Variants in SREBF2 observed in about 807,000 individuals in gnomAD.
The protein encoded by SREBF2 is sterol regulatory element-binding protein 2.
A neutral mutation model predicts 113.1 loss-of-function variants in SREBF2; 55 were observed. The ratio of observed to expected loss-of-function variants is 0.49; its 90% CI spans 0.39 to 0.61. The LOEUF (loss-of-function observed/expected upper bound fraction) is 0.61. Among genes scored for constraint, SREBF2 ranks in the 20% least tolerant of loss-of-function variants. The pLI is 0.00. For missense variants in SREBF2, 1,349 were observed against 1,487.4 expected (o/e 0.91, Z 1.53); for synonymous variants, 593 against 605.7 (o/e 0.98, Z 0.31).
chr22:41,904,999 C>A, intron 18 of SREBF2, 25 bp downstream of exon 18: 1 of 1,547,832 alleles, frequency 6.5e-7, no homozygotes, highest in Non-Finnish European at 8.7e-7. Context: ...CCCCAGCTCA[C>A]AGGCTGGGCC....
chr22:41,873,141 G>A (rs2148386296), intron 4 of SREBF2, among the ~76,000 whole-genome samples: 2 of 151,272 alleles, frequency 1.3e-5, no homozygotes, highest in African/African-American at 4.9e-5. Context: ...AGTTTGTGGT[G>A]AGCCGAGATC....
chr22:41,871,003 A>G lies in SREBF2; in HGVS notation c.835A>G (p.Thr279Ala), dbSNP rs753273462. The change falls in exon 4 of 19, where the codon ACC becomes GCC. Residue 279 changes from threonine to alanine, a missense_variant. Thr to Ala is a moderately conservative substitution (Grantham distance 58). This residue lies in a region of SREBF2 where 699 missense variants were observed against 843.3 expected (regional missense o/e 0.83). Transcript: ENST00000361204. ...GAACCCGGCCCTCACCGCCCTCACC[A>G]CCCCTATCCAGACGGCTGCCCTTCA... Reference protein sequence around the residue: ...VQNPALTALTTPIQTAALQVP... With the variant: ...VQNPALTALTAPIQTAALQVP... 6.2e-7 allele frequency: 1 copy of G among 1,613,044 alleles called. No individual in the cohort carries two copies. The highest frequency in any genetic ancestry group is 1.1e-5 in the South Asian group (1 of 91,010).
At chr22:41,891,526 C>T (rs1036830844) in intron 11 of SREBF2, 7 of 152,364 alleles carry the variant, frequency 4.6e-5, no homozygotes, top group Admixed American at 3.3e-4. Flanking sequence ...AGATAGTCTT[C>T]TCTGTCTGTG....
chr22:41,870,030 A>AT (rs1223984866), intron 3 of SREBF2, among the ~76,000 whole-genome samples: 1 of 151,634 alleles, frequency 6.6e-6, no homozygotes, highest in Non-Finnish European at 1.5e-5. Flanking sequence ...TAATTTTTGT[A>AT]TTTTTAGTAG....
intron 1 of SREBF2, among the ~76,000 whole-genome samples, chr22:41,855,252 G>A (rs1258581245): frequency 1.3e-5 from 2 of 152,190 alleles, no homozygotes; most frequent in African/African-American, 4.8e-5. Context: ...GCCAGATTCC[G>A]TGGTTCATGC....
At chr22:41,874,588 A>G (rs2077175751) in intron 5 of SREBF2, among the ~76,000 whole-genome samples, 1 of 152,254 alleles carries the variant, frequency 6.6e-6, no homozygotes, top group African/African-American at 2.4e-5. Context: ...AAAGCTGTAC[A>G]TCCTAAGTAA....
intron 1 of SREBF2, among the ~76,000 whole-genome samples, chr22:41,866,443 A>G (rs133286): frequency 0.61 from 92,402 of 152,206 alleles, 29,774 homozygotes; most frequent in African/African-American, 0.81. Context: ...CCAGCTACTC[A>G]GGAGGCTGAG....
chr22:41,895,736 GGTGCACCCATTTTTAT>G (rs1012600282), intron 13 of SREBF2, among the ~76,000 whole-genome samples: 3 of 152,068 alleles, frequency 2.0e-5, no homozygotes, highest in African/African-American at 7.2e-5. Context: ...ACGCCTGGCA[GGTGCACCCATTTTTAT>G]GTATCCCTTT....
chr22:41,873,556 C>T (rs1033748840), intron 4 of SREBF2: 1 of 543,230 alleles, frequency 1.8e-6, no homozygotes, highest in African/African-American at 1.9e-5. Flanking sequence ...ACATATTTAG[C>T]CATGTTAATC....
chr22:41,899,204 T>C, intron 15 of SREBF2: 1 of 1,109,600 alleles, frequency 9.0e-7, no homozygotes, highest in South Asian at 2.3e-5. Context: ...ATCTTGCCCC[T>C]GTGTGCTAGC....
chr22:41,873,193 G>A (rs575260598), intron 4 of SREBF2, among the ~76,000 whole-genome samples: 33 of 151,792 alleles, frequency 2.2e-4, no homozygotes, highest in African/African-American at 7.3e-4. Flanking sequence ...GCGAAACTCC[G>A]TCTCAAAAAA....
chr22:41,854,595 G>T (rs971064676), intron 1 of SREBF2, among the ~76,000 whole-genome samples: 1 of 151,946 alleles, frequency 6.6e-6, no homozygotes, highest in African/African-American at 2.4e-5. Context: ...GAATCCGGGG[G>T]TGGTGGCTCA....
chr22:41,836,883 A>G (rs1272081373), intron 1 of SREBF2, among the ~76,000 whole-genome samples: 1 of 152,162 alleles, frequency 6.6e-6, no homozygotes, highest in Non-Finnish European at 1.5e-5. Flanking sequence ...AGGTGCAGGC[A>G]GGCAAGGATC....
intron 1 of SREBF2, among the ~76,000 whole-genome samples, chr22:41,864,239 TATATATATATATATATATATATACAC>T (rs1569385883): frequency 1.2e-5 from 1 of 85,742 alleles, no homozygotes; most frequent in Admixed American, 1.6e-4. Context: ...TATATATATA[TATATATATATATATATATATATACAC>T]ACACACACAC....
At chr22:41,837,871 AAAAAG>A (rs1025255351) in intron 1 of SREBF2, among the ~76,000 whole-genome samples, 19 of 151,894 alleles carry the variant, frequency 1.3e-4, no homozygotes, top group South Asian at 6.2e-4. Context: ...AAAAAAAAAA[AAAAAG>A]AAAGAAAGAA....
At chr22:41,843,831 G>A (rs1179798057) in intron 1 of SREBF2, among the ~76,000 whole-genome samples, 1 of 150,904 alleles carries the variant, frequency 6.6e-6, no homozygotes, top group Non-Finnish European at 1.5e-5. Context: ...AACATAGTGA[G>A]ACCCCATTTC....
In SREBF2 at chr22:41,881,174, A is replaced by G. The variant is rs538209075; in HGVS notation, c.2038+182A>G. Among the ~76,000 whole-genome samples the G allele has an allele frequency of 8.5e-5, 13 of 152,372 alleles. No homozygotes were observed. In the South Asian group the frequency reaches 2.1e-3, roughly 24 times the overall value. On this transcript the variant is annotated intron_variant, in intron 10 of 18. Coordinates refer to ENST00000361204, the MANE Select transcript of SREBF2 (RefSeq NM_004599.4). Reference sequence around the variant, plus strand: ...TAAGGTTGGCTCTTTGCTTTAGCTCATCAGTTCTCAGATGCACATGTTTTC... The same window carrying G: ...TAAGGTTGGCTCTTTGCTTTAGCTCGTCAGTTCTCAGATGCACATGTTTTC...
At chr22:41,903,592 G>A (rs949830100) in intron 17 of SREBF2, among the ~76,000 whole-genome samples, 2 of 152,250 alleles carry the variant, frequency 1.3e-5, no homozygotes, top group Admixed American at 6.5e-5. Flanking sequence ...CCTTGGCAGT[G>A]GCCACGTGAT....
At chr22:41,860,397 A>G (rs1211318814) in intron 1 of SREBF2, among the ~76,000 whole-genome samples, 1 of 152,256 alleles carries the variant, frequency 6.6e-6, no homozygotes, top group Non-Finnish European at 1.5e-5. Context: ...ATGCAAGACA[A>G]AACAATTCCA....
Sources: allele counts gnomAD v4.1 joint callset (sites outside exome capture counted in the v4.1 genomes callset), GRCh38; gene constraint gnomAD v4.1.1; regional missense constraint gnomAD v4.1.1; transcripts MANE v1.5; gene names NCBI Gene and HGNC (gene_info 2026-07-23, HGNC 2026-07-21).